The following DLGAP2 variants were observed in gnomAD, a reference collection of about 807,000 sequenced individuals.
DLGAP2 encodes DLG associated protein 2.
In DLGAP2, 26 loss-of-function variants were observed where a neutral mutation model predicts 100.3. The ratio of observed to expected loss-of-function variants is 0.26; its 90% CI spans 0.19 to 0.36. DLGAP2 has a LOEUF of 0.36. Ranked by LOEUF, DLGAP2 falls within the 10% of genes least tolerant of loss-of-function variation. The pLI, the probability that DLGAP2 is intolerant of heterozygous loss-of-function variation, is 1.00. For missense variants in DLGAP2, 1,858 were observed against 1,453.2 expected (o/e 1.28, Z -4.53); for synonymous variants, 886 against 630.1 (o/e 1.41, Z -6.08).
chr8:1,239,552 G>C (rs62487804), intron 2 of DLGAP2, among the ~76,000 whole-genome samples: 1 of 81,608 alleles, frequency 1.2e-5, no homozygotes. Flanking sequence ...CTCACATGGC[G>C]CCGTGTCTGG....
At position 1,541,211 on chromosome 8, in the gene DLGAP2, GTGTTTAATCCATTTATT is replaced by G. The variant is rs1801351653; in HGVS notation, c.173-7406_173-7390del. 1.8e-4 allele frequency among the ~76,000 whole-genome samples: 27 copies of G among 152,258 alleles called. 1 individual carries two copies. The South Asian group carries it at 5.6e-3, about 32-fold the overall frequency. ...AGCCCCTAATGCACACTTCCTCTTT[GTGTTTAATCCATTTATT>G]TGTTTAATACATTTATTTATTCATT... On this transcript the variant is annotated intron_variant, in intron 4 of 14. Coordinates refer to ENST00000637795, the MANE Select transcript of DLGAP2 (RefSeq NM_001346810.2).
intron 6 of DLGAP2, chr8:1,621,757 C>A (rs958555268): frequency 6.6e-6 from 1 of 152,196 alleles, no homozygotes; most frequent in Non-Finnish European, 1.5e-5. Context: ...CGAGCCTCTG[C>A]GGTCAAGGGT....
chr8:804,931 A>AT, intron 1 of DLGAP2, among the ~76,000 whole-genome samples: 1 of 151,838 alleles, frequency 6.6e-6, no homozygotes, highest in South Asian at 2.1e-4. Flanking sequence ...CACCTGGCTA[A>AT]TTTTTTTTGT....
chr8:1,256,387 C>A (rs76040969), intron 2 of DLGAP2, among the ~76,000 whole-genome samples: 2,231 of 137,024 alleles, frequency 0.016, 130 homozygotes, highest in African/African-American at 0.06. Context: ...CTCATCCTGC[C>A]TGGGTGCTGT....
At chr8:1,584,612 C>G (rs1796057139) in intron 6 of DLGAP2, among the ~76,000 whole-genome samples, 1 of 152,176 alleles carries the variant, frequency 6.6e-6, no homozygotes, top group South Asian at 2.1e-4. Flanking sequence ...CGGTCCAGCC[C>G]TAGGGGTTCC....
At chr8:1,515,458 AAAC>A (rs1418664860) in intron 4 of DLGAP2, among the ~76,000 whole-genome samples, 2 of 152,328 alleles carry the variant, frequency 1.3e-5, no homozygotes. Flanking sequence ...GCAGACATGA[AAAC>A]AATTGTAGAC....
intron 3 of DLGAP2, among the ~76,000 whole-genome samples, chr8:1,483,849 T>C (rs1387339254): frequency 6.6e-6 from 1 of 152,204 alleles, no homozygotes; most frequent in African/African-American, 2.4e-5. Context: ...GAGCTGTGGT[T>C]TGCTCACAAT....
chr8:1,338,789 T>TGCAGTGACCTCAGTGA (rs1801348010), intron 3 of DLGAP2, among the ~76,000 whole-genome samples: 1 of 131,562 alleles, frequency 7.6e-6, no homozygotes, highest in African/African-American at 3.0e-5. Flanking sequence ...GGAAGTACCA[T>TGCAGTGACCTCAGTGA]GGTGTCAGGA....
intron 1 of DLGAP2, among the ~76,000 whole-genome samples, chr8:902,904 G>A (rs1798288631): frequency 1.6e-5 from 1 of 61,638 alleles, no homozygotes; most frequent in Non-Finnish European, 3.1e-5. Flanking sequence ...TGGGTGGAAC[G>A]TGTGCGGGTG....
At chr8:849,595 A>G (rs372959058) in intron 1 of DLGAP2, among the ~76,000 whole-genome samples, 150 of 152,298 alleles carry the variant, frequency 9.8e-4, no homozygotes, top group Middle Eastern at 3.4e-3. Context: ...CAGCGGTGCA[A>G]CATCCTTCCA....
intron 2 of DLGAP2, among the ~76,000 whole-genome samples, chr8:1,044,461 G>C (rs1802461364): frequency 6.6e-6 from 1 of 152,194 alleles, no homozygotes; most frequent in Non-Finnish European, 1.5e-5. Flanking sequence ...CACCGCACCT[G>C]CGTGACCACC....
At chr8:1,519,416 G>C (rs1264741781) in intron 4 of DLGAP2, among the ~76,000 whole-genome samples, 1 of 152,178 alleles carries the variant, frequency 6.6e-6, no homozygotes, top group Non-Finnish European at 1.5e-5. Context: ...TTAACCTGCT[G>C]CTGAAAGGGC....
At position 1,165,625 on chromosome 8, in the gene DLGAP2, G is replaced by A. The variant is rs73532105; in HGVS notation, c.74-93226G>A. Among the ~76,000 whole-genome samples the A allele has an allele frequency of 3.1e-3, 479 of 152,340 alleles. 3 individuals are homozygous for A. The highest frequency in any genetic ancestry group is 0.011 in the African/African-American group (456 of 41,574). On this transcript the variant is annotated intron_variant, in intron 2 of 14. Coordinates refer to ENST00000637795, the MANE Select transcript of DLGAP2 (RefSeq NM_001346810.2). ...CCTTGTGAAATTGTGCAGTCGCTGC[G>A]TGTGACTGTTACATGATTTTCGTCT...
At chr8:1,043,922 G>A (rs956239701) in intron 2 of DLGAP2, among the ~76,000 whole-genome samples, 1 of 150,992 alleles carries the variant, frequency 6.6e-6, no homozygotes, top group Non-Finnish European at 1.5e-5. Context: ...CGGGCAGTGA[G>A]ATCTCAGCTG....
At chr8:1,633,116 G>A (rs7013164) in intron 8 of DLGAP2, 70 bp downstream of exon 8, 19,567 of 1,499,420 alleles carry the variant, frequency 0.013, 997 homozygotes, top group African/African-American at 0.12. Context: ...CCTAGAAGGA[G>A]CGAGCAGCAC....
Position 1,548,759 on chromosome 8 carries a change from G to A in DLGAP2, c.306G>A (p.Ala102=), listed in dbSNP as rs1297851866. The change falls in exon 5 of 15, where the codon GCG becomes GCA. Residue 102 remains alanine, a synonymous_variant. Transcript: ENST00000637795. ...PLCSGHTCGL[A]PPEDCEHLHH... is the part of the protein sequence containing the mutation. Reference sequence around the variant, plus strand: ...GTTCCGGGCACACGTGTGGTCTGGCGCCCCCGGAGGACTGCGAGCACCTGC... The same window carrying A: ...GTTCCGGGCACACGTGTGGTCTGGCACCCCCGGAGGACTGCGAGCACCTGC... The A allele has an allele frequency of 2.5e-6, 4 of 1,601,006 alleles. No individual in the cohort carries two copies. Among genetic ancestry groups the A allele is most frequent in the South Asian group, 1.1e-5 (1 of 89,224 alleles).
Position 1,277,618 on chromosome 8 carries a change from C to T in DLGAP2, c.106+18735C>T, listed in dbSNP as rs557448045. Among the ~76,000 whole-genome samples the T allele has an allele frequency of 2.8e-3, 431 of 152,264 alleles. 1 individual carries two copies. The highest frequency in any genetic ancestry group is 9.9e-3 in the African/African-American group (411 of 41,530). ...GCCAGGTAGGTCAGCATCGGAGTAT[C>T]GAAGTATCAGCCAGGCAGGTCAGTA... is the stretch of plus-strand genomic sequence containing the variant. On this transcript the variant is annotated intron_variant, in intron 3 of 14. Transcript: ENST00000637795.
intron 2 of DLGAP2, among the ~76,000 whole-genome samples, chr8:1,090,964 A>G (rs1360555477): frequency 2.0e-5 from 3 of 152,186 alleles, no homozygotes; most frequent in Admixed American, 6.5e-5. Flanking sequence ...TTGGAAGAAC[A>G]TCTTCCATTC....
intron 2 of DLGAP2, among the ~76,000 whole-genome samples, chr8:1,167,751 A>T (rs931206961): frequency 6.6e-6 from 1 of 152,208 alleles, no homozygotes; most frequent in Non-Finnish European, 1.5e-5. Context: ...TCAGTTGACA[A>T]ACATTTGTTG....
Sources: gnomAD v4.1 joint callset for allele counts (sites outside exome capture counted in the v4.1 genomes callset) on GRCh38, gnomAD v4.1.1 for gene constraint, MANE v1.5 for transcripts, NCBI Gene and HGNC (gene_info 2026-07-23, HGNC 2026-07-21) for gene names.